The following GALNTL6 variants were observed in gnomAD, a reference collection of about 807,000 sequenced individuals.
GALNTL6 encodes the protein polypeptide N-acetylgalactosaminyltransferase-like 6.
In GALNTL6, 46 loss-of-function variants were observed where a neutral mutation model predicts 73.7. The observed-to-expected ratio is 0.62, with a 90% CI of 0.49 to 0.80. GALNTL6 has a LOEUF of 0.80. GALNTL6 is among the 30% of genes least tolerant of loss of function. GALNTL6 has a pLI of 0.00. For synonymous variants in GALNTL6, 259 were observed against 263.7 expected, an observed-to-expected ratio of 0.98 and a Z score of 0.17; for missense variants, 604 against 755.0, an observed-to-expected ratio of 0.80 and a Z score of 2.34.
At chr4:172,146,701 C>T (rs1733936342) in intron 2 of GALNTL6, among the ~76,000 whole-genome samples, 1 of 152,096 alleles carries the variant, frequency 6.6e-6, no homozygotes, top group African/African-American at 2.4e-5. Context: ...GTCTCACCTG[C>T]TAAAATGTAA....
At chr4:171,886,196 T>G (rs1434671792) in intron 2 of GALNTL6, among the ~76,000 whole-genome samples, 5 of 152,090 alleles carry the variant, frequency 3.3e-5, no homozygotes, top group Non-Finnish European at 5.9e-5. Context: ...TAATTCAATT[T>G]ATAGTGAACA....
At chr4:172,571,811 T>A (rs1173917372) in intron 5 of GALNTL6, among the ~76,000 whole-genome samples, 2 of 152,232 alleles carry the variant, frequency 1.3e-5, no homozygotes, top group Non-Finnish European at 2.9e-5. Context: ...CATGTTTTCA[T>A]GGCCTATTTC....
intron 2 of GALNTL6, among the ~76,000 whole-genome samples, chr4:172,209,744 G>C (rs1736264825): frequency 6.6e-6 from 1 of 152,036 alleles, no homozygotes; most frequent in Non-Finnish European, 1.5e-5. Context: ...ACTGAGGCTA[G>C]AGCTTGCTGT....
intron 5 of GALNTL6, among the ~76,000 whole-genome samples, chr4:172,466,593 A>G (rs79903814): frequency 1.3e-3 from 192 of 152,298 alleles, no homozygotes; most frequent in African/African-American, 4.4e-3. Context: ...TCTTAGAAGT[A>G]AAAAACACGC....
chr4:172,555,382 T>C (rs1736106029), intron 5 of GALNTL6, among the ~76,000 whole-genome samples: 1 of 152,098 alleles, frequency 6.6e-6, no homozygotes. Context: ...CTAAGAACTT[T>C]ACAGAAACTA....
Position 172,938,758 on chromosome 4 carries a change from G to A in GALNTL6, c.1149+7490G>A, listed in dbSNP as rs114248672. Among the ~76,000 whole-genome samples the A allele has an allele frequency of 4.7e-3, 711 of 152,264 alleles. 7 individuals are homozygous for A. The highest frequency in any genetic ancestry group is 0.016 in the African/African-American group (669 of 41,538). ...ATTTGAAACCATCACTGAGTTCAGGGGCATGGTGGCCTATCATGGGTTTTC... is the reference window on the plus strand; with the variant it reads ...ATTTGAAACCATCACTGAGTTCAGGAGCATGGTGGCCTATCATGGGTTTTC... On this transcript the variant is annotated intron_variant, in intron 9 of 12. Transcript: ENST00000506823.
At chr4:172,953,038 A>C (rs1398392293) in intron 10 of GALNTL6, among the ~76,000 whole-genome samples, 1 of 152,172 alleles carries the variant, frequency 6.6e-6, no homozygotes, top group Non-Finnish European at 1.5e-5. Context: ...AGGCTATGCT[A>C]TGCAGAGTCA....
intron 2 of GALNTL6, among the ~76,000 whole-genome samples, chr4:171,960,528 C>T (rs1739190721): frequency 6.6e-6 from 1 of 152,004 alleles, no homozygotes; most frequent in African/African-American, 2.4e-5. Context: ...AATCCACCCA[C>T]CTCAGCCTCC....
At chr4:172,971,433 G>A (rs1750577219) in intron 10 of GALNTL6, among the ~76,000 whole-genome samples, 1 of 152,196 alleles carries the variant, frequency 6.6e-6, no homozygotes, top group Admixed American at 6.5e-5. Context: ...GAAGAAGCTT[G>A]TTGCAGGCTC....
chr4:172,066,652 G>C (rs1426714504), intron 2 of GALNTL6, among the ~76,000 whole-genome samples: 4 of 151,358 alleles, frequency 2.6e-5, no homozygotes, highest in African/African-American at 9.7e-5. Context: ...AGATTTCCCT[G>C]TAGAATGGCA....
At chr4:172,744,844 T>C (rs1212718106) in intron 5 of GALNTL6, among the ~76,000 whole-genome samples, 2 of 105,440 alleles carry the variant, frequency 1.9e-5, no homozygotes, top group Admixed American at 8.4e-5. Flanking sequence ...CGCGTGCGTG[T>C]GTGTGTGTGT....
chr4:172,968,797 C>T (rs1027373802), intron 10 of GALNTL6, among the ~76,000 whole-genome samples: 3 of 152,074 alleles, frequency 2.0e-5, no homozygotes, highest in African/African-American at 7.2e-5. Context: ...TTTAATACTT[C>T]ACAGTAACAA....
chr4:172,344,003 A>T (rs1470256823), intron 4 of GALNTL6, among the ~76,000 whole-genome samples: 1 of 152,148 alleles, frequency 6.6e-6, no homozygotes, highest in Non-Finnish European at 1.5e-5. Flanking sequence ...TTATCTGAAA[A>T]TAATACAGCA....
intron 9 of GALNTL6, among the ~76,000 whole-genome samples, chr4:172,935,292 T>C (rs1748551887): frequency 6.6e-6 from 1 of 152,226 alleles, no homozygotes; most frequent in African/African-American, 2.4e-5. Flanking sequence ...CAAATCTGTA[T>C]ACTGCTGTAT....
chr4:172,876,507 A>T (rs1745201114), intron 7 of GALNTL6, among the ~76,000 whole-genome samples: 1 of 152,158 alleles, frequency 6.6e-6, no homozygotes, highest in Non-Finnish European at 1.5e-5. Context: ...GAAATCCAGT[A>T]AATCCAGTTA....
At chr4:172,582,575 G>T (rs909721276) in intron 5 of GALNTL6, among the ~76,000 whole-genome samples, 1 of 152,194 alleles carries the variant, frequency 6.6e-6, no homozygotes, top group Admixed American at 6.5e-5. Context: ...GATTAAAAGA[G>T]TTAATATGTA....
intron 5 of GALNTL6, among the ~76,000 whole-genome samples, chr4:172,533,331 T>TTTC (rs1735234127): frequency 7.4e-6 from 1 of 135,078 alleles, no homozygotes; most frequent in Admixed American, 7.6e-5. Context: ...TTTTTTTTTT[T>TTTC]TTTTTTTTTT....
intron 2 of GALNTL6, among the ~76,000 whole-genome samples, chr4:171,948,958 TATATACAC>T (rs1738783107): frequency 7.7e-6 from 1 of 130,596 alleles, no homozygotes; most frequent in Non-Finnish European, 1.5e-5. Flanking sequence ...AAGCCATATA[TATATACAC>T]ACACACACAC....
chr4:172,692,288 T>C (rs1326929273), intron 5 of GALNTL6, among the ~76,000 whole-genome samples: 3 of 152,118 alleles, frequency 2.0e-5, no homozygotes, highest in East Asian at 3.8e-4. Flanking sequence ...ATTTTTGCAA[T>C]TATAACTATC....
Sources: gnomAD v4.1 joint callset for allele counts (sites outside exome capture counted in the v4.1 genomes callset) on GRCh38, gnomAD v4.1.1 for gene constraint, MANE v1.5 for transcripts, NCBI Gene and HGNC (gene_info 2026-07-23, HGNC 2026-07-21) for gene names.